TCAIM: variants seen among roughly 807,000 people sequenced by gnomAD.
TCAIM encodes the protein T-cell activation inhibitor, mitochondrial.
A neutral mutation model predicts 58.6 loss-of-function variants in TCAIM; 36 were observed. That is an observed-to-expected ratio of 0.61 (90% CI 0.47 to 0.81). The LOEUF is 0.81. Ranked by LOEUF, TCAIM falls within the 30% of genes least tolerant of loss-of-function variation. The pLI, the probability that TCAIM is intolerant of heterozygous loss-of-function variation, is 0.00. For missense variants in TCAIM, 466 were observed against 579.6 expected (o/e 0.80, Z 2.01); for synonymous variants, 172 against 193.6 (o/e 0.89, Z 0.93).
At chr3:44,345,546 G>C (rs1216707855) in intron 1 of TCAIM, among the ~76,000 whole-genome samples, 1 of 151,690 alleles carries the variant, frequency 6.6e-6, no homozygotes, top group East Asian at 1.9e-4. Flanking sequence ...TTTTTTAGCA[G>C]TGACTAACGA....
chr3:44,342,327 G>T (rs9812457), intron 1 of TCAIM, among the ~76,000 whole-genome samples: 76,202 of 151,860 alleles, frequency 0.5, 20,032 homozygotes, highest in East Asian at 0.8. Context: ...TTGCATTCCT[G>T]GAAATCCTGA....
In TCAIM at chr3:44,381,282, T is replaced by C. The variant is rs1701651002; in HGVS notation, c.573-11573T>C. ...CAATACCATGACCAAGTAGGATATA[T>C]TCCTAGAGTACAAGGATGGTTCCAC... On this transcript the variant is annotated intron_variant, in intron 5 of 10. Transcript: ENST00000342649. 2.0e-5 allele frequency among the ~76,000 whole-genome samples: 3 copies of C among 152,134 alleles called. No homozygotes were observed. The South Asian group carries it at 6.2e-4, about 31-fold the overall frequency.
chr3:44,387,850 C>A (rs1701769210), intron 5 of TCAIM, among the ~76,000 whole-genome samples: 1 of 152,146 alleles, frequency 6.6e-6, no homozygotes, highest in African/African-American at 2.4e-5. Flanking sequence ...TGTGCTGTTG[C>A]ACTCCAGCCT....
intron 5 of TCAIM, among the ~76,000 whole-genome samples, chr3:44,382,573 A>G (rs1701670921): frequency 6.6e-6 from 1 of 152,192 alleles, no homozygotes; most frequent in African/African-American, 2.4e-5. Flanking sequence ...TTGAACACTG[A>G]CTTATACTAA....
Position 44,392,987 on chromosome 3 carries a change from A to T in TCAIM, c.695+10A>T, listed in dbSNP as rs376187433. The T allele has an allele frequency of 6.3e-7, 1 of 1,597,918 alleles. No individual in the cohort carries two copies. Among genetic ancestry groups the T allele is most frequent in the Middle Eastern group, 1.7e-4 (1 of 5,976 alleles). ...AACTCTCAGATATCAGGTAAGAAAG[A>T]AGAGAGAACCTAATTTAGAAATTGA... On this transcript the variant is annotated intron_variant, in intron 6 of 10. Transcript: ENST00000342649.
At chr3:44,353,884 C>T (rs547110697) in intron 1 of TCAIM, among the ~76,000 whole-genome samples, 1 of 152,262 alleles carries the variant, frequency 6.6e-6, no homozygotes, top group East Asian at 1.9e-4. Context: ...CTTTTCTTCT[C>T]ATTCTCTTGA....
At chr3:44,358,230 A>G (rs756029086) in intron 3 of TCAIM, 1 of 1,543,304 alleles carries the variant, frequency 6.5e-7, no homozygotes, top group Admixed American at 1.8e-5. Context: ...GATACATGGA[A>G]GAGTTTTCAA....
chr3:44,401,915 C>T (rs1702027064), intron 10 of TCAIM, among the ~76,000 whole-genome samples: 1 of 151,992 alleles, frequency 6.6e-6, no homozygotes, highest in Non-Finnish European at 1.5e-5. Context: ...CACCTCTAGT[C>T]CCAGCTACTC....
At chr3:44,378,583 T>C (rs1701603796) in intron 5 of TCAIM, among the ~76,000 whole-genome samples, 1 of 151,116 alleles carries the variant, frequency 6.6e-6, no homozygotes, top group South Asian at 2.1e-4. Flanking sequence ...TTTGGGAGGC[T>C]AAGGCAGGCG....
chr3:44,350,399 C>T (rs1701063087), intron 1 of TCAIM, among the ~76,000 whole-genome samples: 3 of 152,006 alleles, frequency 2.0e-5, no homozygotes, highest in Admixed American at 2.0e-4. Context: ...TGACAATTAC[C>T]TCCCGAAGGC....
intron 1 of TCAIM, among the ~76,000 whole-genome samples, chr3:44,342,065 G>T (rs1410935579): frequency 6.6e-6 from 1 of 152,028 alleles, no homozygotes. Flanking sequence ...TTTCTCATTT[G>T]TATTTCATTT....
chr3:44,376,815 G>A (rs945489680), intron 5 of TCAIM, among the ~76,000 whole-genome samples: 2 of 152,228 alleles, frequency 1.3e-5, no homozygotes, highest in Non-Finnish European at 1.5e-5. Context: ...TTGGCCGGGC[G>A]AGGTGGCTCA....
At chr3:44,371,052 G>A (rs1701461432) in intron 5 of TCAIM, among the ~76,000 whole-genome samples, 1 of 151,524 alleles carries the variant, frequency 6.6e-6, no homozygotes, top group African/African-American at 2.4e-5. Flanking sequence ...TGGAATTACA[G>A]GCACACACCG....
intron 1 of TCAIM, chr3:44,340,414 G>C (rs1700833013): frequency 6.6e-6 from 1 of 152,206 alleles, no homozygotes; most frequent in Non-Finnish European, 1.5e-5. Context: ...TGGGCGTTGT[G>C]AAGCGGCAGG....
chr3:44,358,667 C>A, intron 3 of TCAIM: 1 of 835,702 alleles, frequency 1.2e-6, no homozygotes, highest in Non-Finnish European at 1.4e-6. Flanking sequence ...TGAGCATTCG[C>A]AGATTTCGGT....
intron 5 of TCAIM, among the ~76,000 whole-genome samples, chr3:44,369,095 G>A (rs559264552): frequency 3.3e-4 from 50 of 152,176 alleles, no homozygotes; most frequent in Non-Finnish European, 6.6e-4. Flanking sequence ...TTTTGGTATA[G>A]AAAAACAGAA....
intron 4 of TCAIM, among the ~76,000 whole-genome samples, chr3:44,364,260 AG>A (rs1238394151): frequency 2.6e-5 from 4 of 152,140 alleles, no homozygotes; most frequent in Non-Finnish European, 5.9e-5. Flanking sequence ...AAAATGTAAA[AG>A]GTTACAGAAA....
At chr3:44,358,492 A>G (rs1701241139) in intron 3 of TCAIM, 1 of 488,818 alleles carries the variant, frequency 2.0e-6, no homozygotes, top group Admixed American at 4.3e-5. Flanking sequence ...CACATGAACA[A>G]ACTTCTCTTT....
chr3:44,370,619 C>T (rs1452307628), intron 5 of TCAIM, among the ~76,000 whole-genome samples: 1 of 150,350 alleles, frequency 6.7e-6, no homozygotes, highest in African/African-American at 2.4e-5. Context: ...TTTTTAGCTT[C>T]ATAAAGTGAA....
Sources: allele counts gnomAD v4.1 joint callset (sites outside exome capture counted in the v4.1 genomes callset), GRCh38; gene constraint gnomAD v4.1.1; transcripts MANE v1.5; gene names NCBI Gene and HGNC (gene_info 2026-07-23, HGNC 2026-07-21).